Variants in KLHL13 observed in about 807,000 individuals in gnomAD.
The protein encoded by KLHL13 is kelch-like protein 13.
KLHL13 carries 10 observed loss-of-function variants against 37.1 expected under a neutral mutation model. The observed-to-expected ratio is 0.27, with a 90% confidence interval of 0.17 to 0.46. KLHL13 has a LOEUF of 0.46. Among genes scored for constraint, KLHL13 ranks in the 20% least tolerant of loss-of-function variants. KLHL13 has a pLI of 1.00. For synonymous variants in KLHL13, 163 were observed against 181.2 expected (o/e 0.90, Z 0.81); for missense variants, 360 against 509.3 (o/e 0.71, Z 2.82).
At chrX:118,090,968 G>A (rs2055126429) in intron 1 of KLHL13, among the ~76,000 whole-genome samples, 1 of 107,609 alleles carries the variant, frequency 9.3e-6, no homozygotes, top group Non-Finnish European at 1.9e-5. Flanking sequence ...ATGAGTTCAT[G>A]TCCTTTGTAG....
At chrX:118,075,595 T>C (rs1241672810) in intron 1 of KLHL13, among the ~76,000 whole-genome samples, 2 of 111,566 alleles carry the variant, frequency 1.8e-5, no homozygotes, top group Admixed American at 1.9e-4. Flanking sequence ...CTCAGGTTTC[T>C]GGCTTGCTTG....
chrX:118,047,606 G>A (rs1030887952), intron 1 of KLHL13, among the ~76,000 whole-genome samples: 1 of 111,713 alleles, frequency 9.0e-6, no homozygotes, highest in African/African-American at 3.2e-5. Context: ...GACAAAAACC[G>A]CAATTACTTT....
At chrX:117,941,780 A>G (rs1231527255) in intron 2 of KLHL13, among the ~76,000 whole-genome samples, 2 of 111,344 alleles carry the variant, frequency 1.8e-5, no homozygotes, top group Non-Finnish European at 3.8e-5. Context: ...TTTTCAAAAA[A>G]CCAGCTCCTG....
intron 1 of KLHL13, among the ~76,000 whole-genome samples, chrX:117,984,052 C>A (rs2053695992): frequency 8.9e-6 from 1 of 111,892 alleles, no homozygotes. Context: ...CATTTACTAC[C>A]AATTCTTTTT....
chrX:117,918,518 T>G (rs1255327561), intron 4 of KLHL13, among the ~76,000 whole-genome samples: 1 of 111,467 alleles, frequency 9.0e-6, no homozygotes, highest in African/African-American at 3.3e-5. Context: ...ATACCAAAAA[T>G]TAATATTGCC....
chrX:118,077,984 G>C (rs958010910), intron 1 of KLHL13, among the ~76,000 whole-genome samples: 3 of 112,166 alleles, frequency 2.7e-5, no homozygotes, highest in African/African-American at 9.7e-5. Flanking sequence ...GATATTATGT[G>C]AATGTCATAT....
chrX:117,993,936 A>C (rs988296335), intron 1 of KLHL13, among the ~76,000 whole-genome samples: 2 of 108,819 alleles, frequency 1.8e-5, no homozygotes, highest in Non-Finnish European at 3.8e-5. Context: ...GGGTTTCTCC[A>C]TGTTGGTCAG....
chrX:118,095,006 C>G (rs1029903118), intron 1 of KLHL13, among the ~76,000 whole-genome samples: 1 of 111,316 alleles, frequency 9.0e-6, no homozygotes, highest in Admixed American at 9.6e-5. Context: ...AACCAGCTAA[C>G]ATCATAATGA....
Position 118,037,608 on chromosome X carries a change from G to C in KLHL13, c.-56+78900C>G, listed in dbSNP as rs112752208. Among the ~76,000 whole-genome samples the C allele has an allele frequency of 3.5e-3, 381 of 109,517 alleles. 4 individuals carry two copies. The highest frequency in any genetic ancestry group is 5.9e-3 in the Non-Finnish European group (310 of 52,647). On this transcript the variant is annotated intron_variant, in intron 1 of 6. Transcript: ENST00000371882. ...GGGGACTGTTGTGGGGTGGGGGAAG[G>C]GGGGAGGGATAGCATTGGGAGATAC...
At chrX:118,070,346 T>C (rs150509029) in intron 1 of KLHL13, among the ~76,000 whole-genome samples, 7,109 of 112,332 alleles carry the variant, frequency 0.063, 571 homozygotes, top group African/African-American at 0.22. Context: ...ACATTTCTAT[T>C]AGGATTTCTT....
chrX:117,919,224 A>C (rs1283818205), intron 4 of KLHL13, among the ~76,000 whole-genome samples: 1 of 111,967 alleles, frequency 8.9e-6, no homozygotes, highest in Non-Finnish European at 1.9e-5. Flanking sequence ...GGCTTTCTCC[A>C]TGTTGGTCAG....
chrX:118,057,291 C>G, intron 1 of KLHL13, among the ~76,000 whole-genome samples: 2 of 112,164 alleles, frequency 1.8e-5, no homozygotes, highest in Non-Finnish European at 3.8e-5. Context: ...TGGATAGTCA[C>G]ATGCAAAAGA....
chrX:117,900,758 T>C (rs959595053), intron 6 of KLHL13, among the ~76,000 whole-genome samples: 1 of 111,428 alleles, frequency 9.0e-6, no homozygotes, highest in African/African-American at 3.3e-5. Context: ...TGGCAGGCCT[T>C]CATATGGGGA....
intron 1 of KLHL13, among the ~76,000 whole-genome samples, chrX:118,098,460 C>G (rs937018960): frequency 9.0e-6 from 1 of 110,933 alleles, no homozygotes; most frequent in African/African-American, 3.3e-5. Context: ...AATAGGAACA[C>G]TTTTACACTG....
chrX:118,077,975 A>G, intron 1 of KLHL13, among the ~76,000 whole-genome samples: 1 of 112,315 alleles, frequency 8.9e-6, no homozygotes, highest in South Asian at 3.7e-4. Flanking sequence ...GAAACAGTGG[A>G]TATTATGTGA....
At chrX:118,064,906 C>T (rs2054780017) in intron 1 of KLHL13, among the ~76,000 whole-genome samples, 1 of 111,527 alleles carries the variant, frequency 9.0e-6, no homozygotes. Flanking sequence ...GGCAGAAACA[C>T]AATAAATGTT....
At chrX:118,072,344 A>G (rs1310106907) in intron 1 of KLHL13, among the ~76,000 whole-genome samples, 6 of 113,154 alleles carry the variant, frequency 5.3e-5, no homozygotes, top group Non-Finnish European at 9.4e-5. Flanking sequence ...ATGGATTAAA[A>G]ACTTAAATGT....
At chrX:118,091,589 C>A (rs1248699909) in intron 1 of KLHL13, among the ~76,000 whole-genome samples, 1 of 109,627 alleles carries the variant, frequency 9.1e-6, no homozygotes, top group African/African-American at 3.3e-5. Flanking sequence ...AATTATCCAA[C>A]CTTAAAAACA....
At chrX:118,002,146 T>A (rs984729393) in intron 1 of KLHL13, among the ~76,000 whole-genome samples, 5 of 111,404 alleles carry the variant, frequency 4.5e-5, no homozygotes, top group African/African-American at 1.6e-4. Flanking sequence ...ACTTAATGAG[T>A]CTCTACTTTG....
Sources: allele counts gnomAD v4.1 joint callset (sites outside exome capture counted in the v4.1 genomes callset), GRCh38; gene constraint gnomAD v4.1.1; transcripts MANE v1.5; gene names NCBI Gene and HGNC (gene_info 2026-07-23, HGNC 2026-07-21).